The following MAGI1 variants were observed in gnomAD, a reference collection of about 807,000 sequenced individuals.
The protein encoded by MAGI1 is membrane-associated guanylate kinase, WW and PDZ domain-containing protein 1.
In MAGI1, 58 loss-of-function variants were observed where a neutral mutation model predicts 139.9. The ratio of observed to expected loss-of-function variants is 0.41; its 90% CI spans 0.34 to 0.52. The LOEUF (loss-of-function observed/expected upper bound fraction) is 0.52, where lower values mean the gene tolerates loss of function less well. MAGI1 is among the 20% of genes least tolerant of loss of function. The pLI is 0.12. For synonymous variants in MAGI1, 812 were observed against 737.9 expected, an observed-to-expected ratio of 1.10 and a Z score of -1.63; for missense variants, 1,874 against 1,901.6, an observed-to-expected ratio of 0.99 and a Z score of 0.27.
chr3:65,669,430 G>A (rs563506706), intron 1 of MAGI1, among the ~76,000 whole-genome samples: 2 of 152,222 alleles, frequency 1.3e-5, no homozygotes, highest in East Asian at 3.9e-4. Flanking sequence ...TTAAAGCTTT[G>A]ATTAACTTTC....
intron 1 of MAGI1, among the ~76,000 whole-genome samples, chr3:65,883,112 G>C (rs1337828800): frequency 6.6e-6 from 1 of 151,956 alleles, no homozygotes; most frequent in Non-Finnish European, 1.5e-5. Context: ...CAGTCATTTC[G>C]TGGCTCAAGC....
intron 2 of MAGI1, among the ~76,000 whole-genome samples, chr3:65,548,880 A>C (rs1169691351): frequency 6.6e-6 from 1 of 152,168 alleles, no homozygotes; most frequent in Admixed American, 6.5e-5. Context: ...GTGAGCCAAC[A>C]GTTCATTAAG....
intron 10 of MAGI1, among the ~76,000 whole-genome samples, chr3:65,434,918 C>A (rs79042857): frequency 8.9e-4 from 136 of 152,240 alleles, no homozygotes; most frequent in Non-Finnish European, 9.8e-4. Flanking sequence ...GAAGTGGGGC[C>A]TTTGGGAGGT....
chr3:65,937,367 G>A (rs553705673), intron 1 of MAGI1, among the ~76,000 whole-genome samples: 1 of 152,222 alleles, frequency 6.6e-6, no homozygotes, highest in East Asian at 1.9e-4. Flanking sequence ...GAATGGCCGT[G>A]CTCAGTGTTC....
At chr3:65,374,651 A>G (rs956013256) in intron 18 of MAGI1, among the ~76,000 whole-genome samples, 1 of 152,060 alleles carries the variant, frequency 6.6e-6, no homozygotes. Context: ...GAATAATACA[A>G]TGAGTATTGG....
chr3:65,378,974 G>T (rs1484725674), intron 17 of MAGI1, among the ~76,000 whole-genome samples: 1 of 152,094 alleles, frequency 6.6e-6, no homozygotes, highest in African/African-American at 2.4e-5. Flanking sequence ...GAGCAACAGC[G>T]CCCGGCTGCT....
intron 1 of MAGI1, among the ~76,000 whole-genome samples, chr3:65,725,844 C>T (rs974932154): frequency 1.2e-4 from 18 of 151,856 alleles, no homozygotes; most frequent in Non-Finnish European, 1.8e-4. Flanking sequence ...GTTGCTCCAA[C>T]GTTAGAAAAG....
At chr3:65,545,600 T>A (rs1459418787) in intron 2 of MAGI1, among the ~76,000 whole-genome samples, 1 of 152,200 alleles carries the variant, frequency 6.6e-6, no homozygotes, top group Admixed American at 6.5e-5. Context: ...AGATGACTCA[T>A]ATTCTAGCCA....
chr3:65,437,004 AACAAT>A, intron 10 of MAGI1, 146 bp downstream of exon 10: 1 of 464,560 alleles, frequency 2.2e-6, no homozygotes, highest in African/African-American at 2.0e-5. Flanking sequence ...TGACAAGTCT[AACAAT>A]ACATTTATCA....
intron 1 of MAGI1, among the ~76,000 whole-genome samples, chr3:65,640,543 A>G (rs2084926393): frequency 6.6e-6 from 1 of 152,152 alleles, no homozygotes; most frequent in East Asian, 1.9e-4. Flanking sequence ...GCTCCCTCCC[A>G]GCTAATCAGC....
At chr3:65,560,649 G>A (rs1463134758) in intron 2 of MAGI1, among the ~76,000 whole-genome samples, 1 of 152,120 alleles carries the variant, frequency 6.6e-6, no homozygotes, top group Non-Finnish European at 1.5e-5. Context: ...TAGGAAAAGA[G>A]GGACATAGGA....
chr3:65,959,957 C>T (rs1020391000), intron 1 of MAGI1, among the ~76,000 whole-genome samples: 3 of 151,356 alleles, frequency 2.0e-5, no homozygotes, highest in Admixed American at 6.6e-5. Flanking sequence ...AGGAGCCCGC[C>T]ATCACGCCCA....
At position 65,945,273 on chromosome 3, in the gene MAGI1, T is replaced by C. The variant is rs1162406097; in HGVS notation, c.313+92723A>G. Among the ~76,000 whole-genome samples, 8 of 152,312 alleles carry C rather than the reference T, an allele frequency of 5.3e-5. 1 individual carries two copies. The highest frequency in any genetic ancestry group is 3.4e-3 in the Middle Eastern group (1 of 294). On this transcript the variant is annotated intron_variant, in intron 1 of 22. Coordinates refer to ENST00000402939, the MANE Select transcript of MAGI1 (RefSeq NM_001033057.2). ...TACATGTGCAGGTTTGTTATATGGA[T>C]AAACTCGTGTCATGAGGGTTTGATG...
rs566676026 is a variant in MAGI1 at position 65,496,201 on chromosome 3, C to A, written c.431-2570G>T. Reference sequence around the variant, plus strand: ...GGACTACAGGCACGTGCCACCACACCCAGCTAATTTTTTTTTTTTTGTACA... The same window carrying A: ...GGACTACAGGCACGTGCCACCACACACAGCTAATTTTTTTTTTTTTGTACA... On this transcript the variant is annotated intron_variant, in intron 2 of 22. Coordinates refer to ENST00000402939, the MANE Select transcript of MAGI1 (RefSeq NM_001033057.2). 1.0e-3 allele frequency among the ~76,000 whole-genome samples: 135 copies of A among 131,006 alleles called. 2 individuals carry two copies. The East Asian group carries it at 0.032, about 31-fold the overall frequency. The allele number at this position is 131,006 out of a possible 152,430, so 85.9% of individuals were successfully genotyped here.
chr3:66,023,069 C>T (rs1485302783), intron 1 of MAGI1, among the ~76,000 whole-genome samples: 1 of 152,130 alleles, frequency 6.6e-6, no homozygotes, highest in African/African-American at 2.4e-5. Flanking sequence ...CTGGGTGCTC[C>T]AAAAGCAGTG....
At chr3:65,732,598 AAT>A (rs1416796861) in intron 1 of MAGI1, among the ~76,000 whole-genome samples, 1 of 152,218 alleles carries the variant, frequency 6.6e-6, no homozygotes, top group Non-Finnish European at 1.5e-5. Context: ...AGAAAACAAG[AAT>A]GTGAAGTTGA....
chr3:65,573,199 T>C (rs80099452), intron 2 of MAGI1, among the ~76,000 whole-genome samples: 2,005 of 152,214 alleles, frequency 0.013, 40 homozygotes, highest in African/African-American at 0.045. Flanking sequence ...GCACATATTA[T>C]ACAACTCATT....
At position 65,692,818 on chromosome 3, in the gene MAGI1, C is replaced by T. The variant is rs115926427; in HGVS notation, c.314-70730G>A. On this transcript the variant is annotated intron_variant, in intron 1 of 22. Coordinates refer to ENST00000402939, the MANE Select transcript of MAGI1 (RefSeq NM_001033057.2). ...TGAGCCCCCTTGCCATGTTATGTCC[C>T]GAGCCACCTTGGGACTGCAGACAGT... 5.9e-3 allele frequency among the ~76,000 whole-genome samples: 902 copies of T among 152,150 alleles called. 5 individuals carry two copies. Among genetic ancestry groups the T allele is most frequent in the African/African-American group, 0.02 (842 of 41,492 alleles).
chr3:65,460,735 T>C (rs1407689712), intron 5 of MAGI1, among the ~76,000 whole-genome samples: 1 of 152,050 alleles, frequency 6.6e-6, no homozygotes, highest in Non-Finnish European at 1.5e-5. Context: ...TGTGTGATGT[T>C]CCCCTCCCTG....
Sources: gnomAD v4.1 joint callset for allele counts (sites outside exome capture counted in the v4.1 genomes callset) on GRCh38, gnomAD v4.1.1 for gene constraint, MANE v1.5 for transcripts, NCBI Gene and HGNC (gene_info 2026-07-23, HGNC 2026-07-21) for gene names.